The following ESR1 variants were observed in gnomAD, a reference collection of about 807,000 sequenced individuals.
ESR1 encodes estrogen receptor 1, also known as estrogen receptor.
In ESR1, 12 loss-of-function variants were observed where a neutral mutation model predicts 52.7. The observed-to-expected ratio is 0.23, with a 90% CI of 0.15 to 0.37. The LOEUF is 0.37. Ranked by LOEUF, ESR1 falls within the 10% of genes least tolerant of loss-of-function variation. ESR1 has a pLI of 1.00. For synonymous variants in ESR1, 305 were observed against 316.8 expected (o/e 0.96, Z 0.39); for missense variants, 584 against 779.7 (o/e 0.75, Z 2.99).
At position 152,061,267 on chromosome 6, in the gene ESR1, C is replaced by A; in HGVS notation, c.1369+143C>A. 1 of 811,060 alleles carries A rather than the reference C, an allele frequency of 1.2e-6. No homozygotes were observed. Among genetic ancestry groups the A allele is most frequent in the Non-Finnish European group, 2.1e-6 (1 of 485,332 alleles). The allele number at this position is 811,060 out of a possible 1,614,324, so 50.2% of individuals were successfully genotyped here. A position where few individuals can be genotyped will look rare whatever the true frequency, so the allele number is the denominator to read the frequency against. ...CACACGTTTTAAAATAACCTACCAA[C>A]ATTGCAGATTCCTTATAAAGGTAGA... On this transcript the variant is annotated intron_variant, in intron 6 of 7. Transcript: ENST00000206249. This position sits in a 1 kb window ranked among gnomAD's most constrained non-coding sequence, Gnocchi z 4.3.
At position 152,064,226 on chromosome 6, in the gene ESR1, G is replaced by T. The variant is rs1273413452; in HGVS notation, c.1369+3102G>T. Among the ~76,000 whole-genome samples, 3 of 152,290 alleles carry T rather than the reference G, an allele frequency of 2.0e-5. No individual in the cohort carries two copies. The East Asian group carries it at 5.8e-4, about 29-fold the overall frequency. ...CTAGCTGGACAGAGCTGAAGTGTAG[G>T]GCAAATCAGAACAGAAGTGATGGGC... On this transcript the variant is annotated intron_variant, in intron 6 of 7. Transcript: ENST00000206249.
At chr6:152,030,870 T>C (rs142958857) in intron 5 of ESR1, among the ~76,000 whole-genome samples, 19 of 152,310 alleles carry the variant, frequency 1.2e-4, no homozygotes, top group Non-Finnish European at 2.6e-4. Context: ...TAATCCAAAA[T>C]TGACCACATA....
chr6:151,746,239 A>G (rs1426992807), intron 2 of ESR1, among the ~76,000 whole-genome samples: 1 of 152,196 alleles, frequency 6.6e-6, no homozygotes, highest in Non-Finnish European at 1.5e-5. Context: ...AGAAGTGTAT[A>G]TAGGATTAGG....
intron 2 of ESR1, among the ~76,000 whole-genome samples, chr6:151,783,145 C>G (rs77783789): frequency 0.087 from 13,239 of 152,258 alleles, 702 homozygotes; most frequent in African/African-American, 0.1. Flanking sequence ...GACTTGTGCT[C>G]GGTTGAGGAG....
intron 2 of ESR1, among the ~76,000 whole-genome samples, chr6:151,796,740 A>C (rs1776750165): frequency 6.6e-6 from 1 of 152,208 alleles, no homozygotes; most frequent in Non-Finnish European, 1.5e-5. Flanking sequence ...ATCATAAGTA[A>C]AGAACACTAG....
chr6:151,911,485 T>A (rs894904312), intron 3 of ESR1, among the ~76,000 whole-genome samples: 1 of 152,202 alleles, frequency 6.6e-6, no homozygotes, highest in Non-Finnish European at 1.5e-5. Flanking sequence ...TCTCCCCACG[T>A]CTTTCCTATG....
intron 4 of ESR1, among the ~76,000 whole-genome samples, chr6:151,953,237 G>A (rs1375415962): frequency 6.6e-6 from 1 of 152,092 alleles, no homozygotes; most frequent in African/African-American, 2.4e-5. Context: ...GACCCATTGT[G>A]TGCTAACCTC....
At chr6:151,826,595 G>A (rs1781548776) in intron 1 of ESR1, among the ~76,000 whole-genome samples, 1 of 152,152 alleles carries the variant, frequency 6.6e-6, no homozygotes, top group Admixed American at 6.5e-5. Context: ...CTTCCTCCTT[G>A]TAAGCAGTAA....
intron 3 of ESR1, among the ~76,000 whole-genome samples, chr6:151,936,718 G>A (rs1248017687): frequency 1.3e-5 from 2 of 152,180 alleles, no homozygotes; most frequent in African/African-American, 4.8e-5. Flanking sequence ...ATCAATCAGT[G>A]CAGGATGTTA....
intron 2 of ESR1, among the ~76,000 whole-genome samples, chr6:151,718,862 C>T (rs369129132): frequency 6.6e-6 from 1 of 152,130 alleles, no homozygotes; most frequent in Non-Finnish European, 1.5e-5. Flanking sequence ...TCTTTCTTCT[C>T]TTACCATGAC....
intron 2 of ESR1, among the ~76,000 whole-genome samples, chr6:151,703,423 G>T (rs566665976): frequency 6.6e-6 from 1 of 152,210 alleles, no homozygotes; most frequent in East Asian, 1.9e-4. Flanking sequence ...ACCCCGCCCC[G>T]TGAAACTCCT....
At chr6:151,999,637 G>T (rs1167044389) in intron 4 of ESR1, among the ~76,000 whole-genome samples, 1 of 152,050 alleles carries the variant, frequency 6.6e-6, no homozygotes, top group East Asian at 1.9e-4. Flanking sequence ...TTGTGTTTTG[G>T]ATTCGAGAGA....
intron 2 of ESR1, among the ~76,000 whole-genome samples, chr6:151,843,787 A>G (rs927359348): frequency 5.9e-5 from 9 of 152,226 alleles, no homozygotes; most frequent in Non-Finnish European, 1.0e-4. Context: ...CGCTAAGTTA[A>G]TAAACACTGA....
At chr6:151,981,329 A>C (rs3020406) in intron 4 of ESR1, among the ~76,000 whole-genome samples, 86,230 of 152,080 alleles carry the variant, frequency 0.57, 28,528 homozygotes, top group Middle Eastern at 0.77. Context: ...AGATCTGGAG[A>C]AGTTTCTCGT....
chr6:151,962,688 G>C (rs909107927), intron 4 of ESR1, among the ~76,000 whole-genome samples: 3 of 152,130 alleles, frequency 2.0e-5, no homozygotes, highest in African/African-American at 7.2e-5. Context: ...TTGATCTCTG[G>C]TGTTCTGAAA....
intron 4 of ESR1, among the ~76,000 whole-genome samples, chr6:152,006,215 A>G (rs76404804): frequency 6.6e-6 from 1 of 152,070 alleles, no homozygotes; most frequent in African/African-American, 2.4e-5. Flanking sequence ...ATTTTCTAAC[A>G]GTAGTACATA....
chr6:151,670,927 C>T (rs1778034984), intron 1 of ESR1, among the ~76,000 whole-genome samples: 1 of 151,994 alleles, frequency 6.6e-6, no homozygotes, highest in Non-Finnish European at 1.5e-5. Context: ...CAACACCATA[C>T]CTGGATAATT....
chr6:152,009,153 T>C (rs2042569493), intron 4 of ESR1, among the ~76,000 whole-genome samples: 1 of 152,068 alleles, frequency 6.6e-6, no homozygotes, highest in Non-Finnish European at 1.5e-5. Flanking sequence ...TGCTTTTTCA[T>C]CTTTTACTTA....
chr6:151,724,549 G>A (rs1300687174), intron 2 of ESR1, among the ~76,000 whole-genome samples: 1 of 151,726 alleles, frequency 6.6e-6, no homozygotes. Flanking sequence ...CTGAACAATA[G>A]ACACCTAGTC....
Sources: gnomAD v4.1 joint callset for allele counts (sites outside exome capture counted in the v4.1 genomes callset) on GRCh38, gnomAD v4.1.1 for gene constraint, Gnocchi (gnomAD v3.1) non-coding constraint, MANE v1.5 for transcripts, NCBI Gene and HGNC (gene_info 2026-07-23, HGNC 2026-07-21) for gene names.